Variants in FBLN7 observed in about 807,000 individuals in gnomAD.
The protein encoded by FBLN7 is fibulin 7.
A neutral mutation model predicts 44.0 loss-of-function variants in FBLN7; 31 were observed. The observed-to-expected ratio is 0.70, with a 90% CI of 0.53 to 0.95. FBLN7 has a LOEUF of 0.95. Among genes scored for constraint, FBLN7 ranks in the 40% least tolerant of loss-of-function variants. The probability of loss-of-function intolerance (pLI) is 0.00; values close to 1 mark genes in which losing one functional copy is unlikely to be tolerated. For missense variants in FBLN7, 573 were observed against 618.5 expected, an observed-to-expected ratio of 0.93 and a Z score of 0.78; for synonymous variants, 262 against 253.4, an observed-to-expected ratio of 1.03 and a Z score of -0.32.
the FBLN7 span, among the ~76,000 whole-genome samples, chr2:112,204,249 A>G: frequency 6.6e-6 from 1 of 151,836 alleles, no homozygotes; most frequent in Middle Eastern, 3.4e-3. Flanking sequence ...AACATAGGTC[A>G]TTGATATTAT....
At chr2:112,215,113 A>G in the FBLN7 span, 1 of 152,208 alleles carries the variant, frequency 6.6e-6, no homozygotes, top group South Asian at 2.1e-4. Context: ...AGGTAATATT[A>G]GGAAGTAAAC....
the FBLN7 span, among the ~76,000 whole-genome samples, chr2:112,237,378 T>C: frequency 6.6e-6 from 1 of 152,190 alleles, no homozygotes; most frequent in Admixed American, 6.5e-5. Context: ...AATGACCTCA[T>C]AAATTACTGT....
the FBLN7 span, among the ~76,000 whole-genome samples, chr2:112,231,333 T>C: frequency 2.8e-4 from 42 of 152,182 alleles, no homozygotes; most frequent in Admixed American, 1.3e-4. Context: ...TTAGATTAAA[T>C]TTTTAAGAGA....
At chr2:112,169,507 C>A (rs964038534) in intron 3 of FBLN7, among the ~76,000 whole-genome samples, 1 of 152,152 alleles carries the variant, frequency 6.6e-6, no homozygotes, top group East Asian at 1.9e-4. Flanking sequence ...ACCAAAGAAA[C>A]GAATTTGAGA....
intron 3 of FBLN7, among the ~76,000 whole-genome samples, chr2:112,175,360 C>G (rs1458893466): frequency 6.6e-6 from 1 of 152,252 alleles, no homozygotes; most frequent in Non-Finnish European, 1.5e-5. Context: ...CACAGGTAGC[C>G]ACTTCTGTCT....
In FBLN7 at chr2:112,138,392, C is replaced by T; in HGVS notation, c.-264C>T. 5.1e-6 allele frequency: 1 copy of T among 195,938 alleles called. No individual in the cohort carries two copies. Among genetic ancestry groups the T allele is most frequent in the Non-Finnish European group, 1.0e-5 (1 of 99,694 alleles). 12.1% of individuals were successfully genotyped at this position (195,938 alleles called of 1,614,324 possible). A position where few individuals can be genotyped will look rare whatever the true frequency, so the allele number is the denominator to read the frequency against. On this transcript the variant is annotated 5_prime_UTR_variant, in exon 1 of 8. Transcript: ENST00000331203. ...AGCCCCTCCTCCCTCGTCCTTAGCC[C>T]AGGGGCCGGCGCCTCCCCGCCTCGC...
chr2:112,157,229 G>A (rs1681477274), intron 1 of FBLN7, among the ~76,000 whole-genome samples: 1 of 152,106 alleles, frequency 6.6e-6, no homozygotes, highest in African/African-American at 2.4e-5. Flanking sequence ...AATTAGCGGG[G>A]CATGGCGGTG....
the FBLN7 span, among the ~76,000 whole-genome samples, chr2:112,196,868 A>G: frequency 6.6e-6 from 1 of 152,172 alleles, no homozygotes; most frequent in African/African-American, 2.4e-5. Flanking sequence ...AGGCCTCACA[A>G]TCATAGCGGA....
chr2:112,236,577 G>A, the FBLN7 span: 330 of 1,613,308 alleles, frequency 2.0e-4, 1 homozygote, highest in Non-Finnish European at 2.5e-4. Flanking sequence ...CCTGTGAGCC[G>A]CTGTTCCTCA....
At chr2:112,163,903 C>T (rs1401882991) in intron 2 of FBLN7, among the ~76,000 whole-genome samples, 1 of 152,206 alleles carries the variant, frequency 6.6e-6, no homozygotes, top group Non-Finnish European at 1.5e-5. Context: ...TCAGACCTGC[C>T]AGGCACATCC....
At chr2:112,164,300 A>T (rs1434921846) in intron 2 of FBLN7, among the ~76,000 whole-genome samples, 1 of 152,216 alleles carries the variant, frequency 6.6e-6, no homozygotes. Context: ...AGTATTCACT[A>T]TGTGCCAGGC....
the FBLN7 span, among the ~76,000 whole-genome samples, chr2:112,233,914 G>A: frequency 6.6e-6 from 1 of 152,098 alleles, no homozygotes; most frequent in Non-Finnish European, 1.5e-5. Context: ...TGACTCAGGT[G>A]ATCCACCCAC....
At chr2:112,196,628 C>T in the FBLN7 span, among the ~76,000 whole-genome samples, 8 of 152,060 alleles carry the variant, frequency 5.3e-5, no homozygotes, top group African/African-American at 1.9e-4. Context: ...GTTAGAATAT[C>T]CTTTCCAGCA....
At chr2:112,219,285 C>T in the FBLN7 span, among the ~76,000 whole-genome samples, 13 of 152,212 alleles carry the variant, frequency 8.5e-5, no homozygotes, top group East Asian at 7.7e-4. Context: ...TAAACCCTCA[C>T]GTCTATGGTA....
chr2:112,217,543 T>C, the FBLN7 span, among the ~76,000 whole-genome samples: 5 of 152,364 alleles, frequency 3.3e-5, no homozygotes, highest in African/African-American at 7.2e-5. Context: ...AATTCTGTCA[T>C]ATTGTGCATT....
chr2:112,243,718 AT>A, the FBLN7 span, among the ~76,000 whole-genome samples: 2 of 152,054 alleles, frequency 1.3e-5, no homozygotes, highest in Non-Finnish European at 2.9e-5. Context: ...AACATCCTCA[AT>A]TTTGCTTCTT....
the FBLN7 span, among the ~76,000 whole-genome samples, chr2:112,237,981 T>C: frequency 6.6e-6 from 1 of 152,260 alleles, no homozygotes; most frequent in East Asian, 1.9e-4. Context: ...TTCCAGTCAA[T>C]CCTCTTTAAA....
the FBLN7 span, among the ~76,000 whole-genome samples, chr2:112,220,691 C>T: frequency 3.9e-5 from 6 of 152,146 alleles, no homozygotes; most frequent in Admixed American, 6.5e-5. Context: ...CATGGTGGTG[C>T]GTGCCTGTAA....
At chr2:112,237,561 G>T in the FBLN7 span, among the ~76,000 whole-genome samples, 5 of 150,022 alleles carry the variant, frequency 3.3e-5, no homozygotes, top group Admixed American at 1.3e-4. Flanking sequence ...ACAAAAAAAT[G>T]ACAGCATTAA....
Sources: gnomAD v4.1 joint callset for allele counts (sites outside exome capture counted in the v4.1 genomes callset) on GRCh38, gnomAD v4.1.1 for gene constraint, MANE v1.5 for transcripts, NCBI Gene and HGNC (gene_info 2026-07-23, HGNC 2026-07-21) for gene names.